SSBP2: variants seen among roughly 807,000 people sequenced by gnomAD.
The protein encoded by SSBP2 is single-stranded DNA-binding protein 2.
SSBP2 carries 17 observed loss-of-function variants against 61.8 expected under a neutral mutation model. That is an observed-to-expected ratio of 0.28 (90% CI 0.19 to 0.41). The LOEUF (loss-of-function observed/expected upper bound fraction) is 0.41, where lower values mean the gene tolerates loss of function less well. SSBP2 is among the 10% of genes least tolerant of loss of function. The pLI is 1.00. For synonymous variants in SSBP2, 139 were observed against 141.3 expected (o/e 0.98, Z 0.12); for missense variants, 310 against 458.7 (o/e 0.68, Z 2.96).
intron 1 of SSBP2, among the ~76,000 whole-genome samples, chr5:81,690,152 C>T (rs1328896310): frequency 6.6e-6 from 1 of 151,848 alleles, no homozygotes; most frequent in Admixed American, 6.6e-5. Flanking sequence ...AGAAAATCAC[C>T]TTCACTAAAA....
intron 2 of SSBP2, among the ~76,000 whole-genome samples, chr5:81,638,342 A>T (rs904632022): frequency 6.8e-6 from 1 of 146,616 alleles, no homozygotes; most frequent in Non-Finnish European, 1.5e-5. Flanking sequence ...TTTAAAAAAT[A>T]AAAAAATAAA....
chr5:81,610,678 A>G (rs1196863535), intron 4 of SSBP2, among the ~76,000 whole-genome samples: 3 of 152,220 alleles, frequency 2.0e-5, no homozygotes, highest in Admixed American at 1.3e-4. Context: ...CAAAATCTAT[A>G]GACATTTCAT....
chr5:81,750,868 C>A, intron 1 of SSBP2, 113 bp downstream of exon 1: 1 of 1,233,736 alleles, frequency 8.1e-7, no homozygotes, highest in Non-Finnish European at 1.2e-6. Flanking sequence ...CCTGCCAGCC[C>A]ACCCCCGGCG....
intron 16 of SSBP2, among the ~76,000 whole-genome samples, chr5:81,422,941 C>T (rs919292778): frequency 2.6e-5 from 4 of 152,204 alleles, no homozygotes; most frequent in African/African-American, 7.2e-5. Context: ...TGTGATTCCA[C>T]GTCTCACATT....
chr5:81,441,663 C>T (rs1763047093), intron 13 of SSBP2, among the ~76,000 whole-genome samples: 1 of 152,150 alleles, frequency 6.6e-6, no homozygotes. Flanking sequence ...ATAAGATGGC[C>T]TTCTATCACC....
At chr5:81,424,486 T>C (rs533119778) in intron 16 of SSBP2, among the ~76,000 whole-genome samples, 4 of 152,154 alleles carry the variant, frequency 2.6e-5, no homozygotes, top group African/African-American at 9.6e-5. Context: ...AACCATCTAA[T>C]AAAGTTTAAT....
At chr5:81,720,660 T>G (rs1009911701) in intron 1 of SSBP2, among the ~76,000 whole-genome samples, 1 of 152,216 alleles carries the variant, frequency 6.6e-6, no homozygotes, top group African/African-American at 2.4e-5. Flanking sequence ...ATCAAGGCAC[T>G]TCCCCCCTCT....
chr5:81,742,806 G>A (rs1302013155), intron 1 of SSBP2, among the ~76,000 whole-genome samples: 1 of 152,092 alleles, frequency 6.6e-6, no homozygotes, highest in Non-Finnish European at 1.5e-5. Flanking sequence ...AACCTGGGGG[G>A]TGTGTGGAAG....
chr5:81,742,473 A>T (rs1757091923), intron 1 of SSBP2, among the ~76,000 whole-genome samples: 1 of 152,222 alleles, frequency 6.6e-6, no homozygotes, highest in Non-Finnish European at 1.5e-5. Flanking sequence ...ATACATAATC[A>T]CAAACCTTGC....
At position 81,469,969 on chromosome 5, in the gene SSBP2, T is replaced by C. The variant is rs528493494; in HGVS notation, c.571-2928A>G. ...TTGGAAAGTTTATAAAGTCTTTCCA[T>C]GGTTGGGAAATTTAATTTCTAGAAA... On this transcript the variant is annotated intron_variant, in intron 8 of 16. Coordinates refer to ENST00000320672, the MANE Select transcript of SSBP2 (RefSeq NM_012446.5). 6.6e-5 allele frequency among the ~76,000 whole-genome samples: 10 copies of C among 152,018 alleles called. No homozygotes were observed. In the South Asian group the frequency reaches 2.1e-3, roughly 31 times the overall value.
intron 1 of SSBP2, among the ~76,000 whole-genome samples, chr5:81,686,698 T>C (rs1418390929): frequency 1.3e-5 from 2 of 150,930 alleles, no homozygotes; most frequent in South Asian, 2.1e-4. Context: ...CTACTAAAAA[T>C]ACAAAAATTA....
chr5:81,716,598 A>G (rs1220594156), intron 1 of SSBP2, among the ~76,000 whole-genome samples: 1 of 152,192 alleles, frequency 6.6e-6, no homozygotes, highest in Non-Finnish European at 1.5e-5. Context: ...CAAATTACAT[A>G]AACTTTTTTT....
chr5:81,569,639 T>G (rs1011043164), intron 4 of SSBP2, among the ~76,000 whole-genome samples: 4 of 152,158 alleles, frequency 2.6e-5, no homozygotes, highest in Non-Finnish European at 5.9e-5. Flanking sequence ...GCAATATCCT[T>G]TTTAAAAATC....
rs543375739 is a variant in SSBP2, at chr5:81,429,251, T to A, written c.958-568A>T. On this transcript the variant is annotated intron_variant, in intron 15 of 16. Coordinates refer to ENST00000320672, the MANE Select transcript of SSBP2 (RefSeq NM_012446.5). ...CCTTAGGACTTGAGAATTTATTATG[T>A]ACTCTTAGAGGAAAAGGAGGCTCAA... is the stretch of plus-strand genomic sequence containing the variant. Among the ~76,000 whole-genome samples, 21 of 152,368 alleles carry A rather than the reference T, an allele frequency of 1.4e-4. 1 individual carries two copies. The South Asian group carries it at 4.3e-3, about 32-fold the overall frequency.
chr5:81,673,359 C>T lies in SSBP2; in HGVS notation c.63-23020G>A, dbSNP rs190918338. ...TATATTTATATTCCTGAATTAGGATCCCAAAAGAATAGGGAACTCTGAAAT... is the reference window on the plus strand; with the variant it reads ...TATATTTATATTCCTGAATTAGGATTCCAAAAGAATAGGGAACTCTGAAAT... On this transcript the variant is annotated intron_variant, in intron 1 of 16. Coordinates refer to ENST00000320672, the MANE Select transcript of SSBP2 (RefSeq NM_012446.5). Among the ~76,000 whole-genome samples, 16 of 152,120 alleles carry T rather than the reference C, an allele frequency of 1.1e-4. No homozygotes were observed. In the East Asian group the frequency reaches 2.7e-3, roughly 26 times the overall value.
intron 1 of SSBP2, among the ~76,000 whole-genome samples, chr5:81,749,534 T>A (rs957795114): frequency 2.6e-5 from 4 of 152,200 alleles, no homozygotes; most frequent in Admixed American, 6.5e-5. Context: ...CCAAAGTACC[T>A]TTGAGAGATG....
intron 5 of SSBP2, among the ~76,000 whole-genome samples, chr5:81,498,990 A>G (rs975302076): frequency 6.6e-6 from 1 of 152,180 alleles, no homozygotes; most frequent in Non-Finnish European, 1.5e-5. Flanking sequence ...TACAATTCAT[A>G]TATCTTAATT....
chr5:81,634,196 G>A (rs1747988266), intron 3 of SSBP2, among the ~76,000 whole-genome samples: 4 of 152,184 alleles, frequency 2.6e-5, no homozygotes, highest in Admixed American at 2.6e-4. Context: ...GCTGAAGCCT[G>A]CTACAGGCTT....
At chr5:81,526,491 G>T (rs1393730746) in intron 4 of SSBP2, among the ~76,000 whole-genome samples, 1 of 151,818 alleles carries the variant, frequency 6.6e-6, no homozygotes, top group Non-Finnish European at 1.5e-5. Context: ...AATTCATTTG[G>T]TATAGTGTTA....
Sources: allele counts gnomAD v4.1 joint callset (sites outside exome capture counted in the v4.1 genomes callset), GRCh38; gene constraint gnomAD v4.1.1; transcripts MANE v1.5; gene names NCBI Gene and HGNC (gene_info 2026-07-23, HGNC 2026-07-21).